FUT8: variants seen among roughly 807,000 people sequenced by gnomAD.
The protein encoded by FUT8 is alpha-(1,6)-fucosyltransferase.
In FUT8, 29 loss-of-function variants were observed where a neutral mutation model predicts 71.3. That is an observed-to-expected ratio of 0.41 (90% CI 0.30 to 0.55). The LOEUF (loss-of-function observed/expected upper bound fraction) is 0.55. Ranked by LOEUF, FUT8 falls within the 20% of genes least tolerant of loss-of-function variation. The pLI is 0.34. For missense variants in FUT8, 544 were observed against 702.1 expected, an observed-to-expected ratio of 0.77 and a Z score of 2.55; for synonymous variants, 254 against 239.3, an observed-to-expected ratio of 1.06 and a Z score of -0.57.
At chr14:65,585,307 C>A (rs1025219227) in intron 3 of FUT8, among the ~76,000 whole-genome samples, 14 of 152,142 alleles carry the variant, frequency 9.2e-5, no homozygotes, top group Non-Finnish European at 1.8e-4. Context: ...CCACCTCAGC[C>A]TCCCAAGCAG....
rs574744130 is a variant in FUT8, at chr14:65,692,131, C to G, written c.835+22651C>G. On this transcript the variant is annotated intron_variant, in intron 7 of 10. Transcript: ENST00000673929. ...GAGCTGTTGGGTACACCTCCCAGAC[C>G]GGGTGGTGGCCGGGCAGAGGGGCTC... Among the ~76,000 whole-genome samples the G allele has an allele frequency of 1.6e-4, 24 of 149,252 alleles. No individual in the cohort carries two copies. The South Asian group carries it at 4.5e-3, about 28-fold the overall frequency.
intron 2 of FUT8, among the ~76,000 whole-genome samples, chr14:65,495,140 A>G (rs1458184031): frequency 6.6e-6 from 1 of 150,758 alleles, no homozygotes; most frequent in African/African-American, 2.4e-5. Context: ...ATATGTTTAT[A>G]GTTTCATTCC....
intron 7 of FUT8, among the ~76,000 whole-genome samples, chr14:65,704,415 G>A (rs9323464): frequency 0.062 from 9,366 of 151,950 alleles, 525 homozygotes; most frequent in African/African-American, 0.14. Context: ...ATGAAATTAA[G>A]CCTTGCCTTC....
At chr14:65,379,005 C>G in the FUT8 span, among the ~76,000 whole-genome samples, 3 of 151,598 alleles carry the variant, frequency 2.0e-5, no homozygotes, top group African/African-American at 7.3e-5. Context: ...TTCCACCATG[C>G]CTGGCTAATT....
chr14:65,701,885 C>T (rs1296141931), intron 7 of FUT8, among the ~76,000 whole-genome samples: 3 of 152,130 alleles, frequency 2.0e-5, no homozygotes, highest in Non-Finnish European at 4.4e-5. Flanking sequence ...CCTCGCCTCT[C>T]CCTTTGTTAT....
chr14:65,554,430 A>AT (rs1182170194), intron 2 of FUT8, among the ~76,000 whole-genome samples: 119 of 92,552 alleles, frequency 1.3e-3, no homozygotes, highest in African/African-American at 4.5e-3. Flanking sequence ...ATCTATATAT[A>AT]TATTATATAT....
At chr14:65,435,408 G>A (rs1243112870) in intron 1 of FUT8, among the ~76,000 whole-genome samples, 2 of 152,088 alleles carry the variant, frequency 1.3e-5, no homozygotes, top group Non-Finnish European at 2.9e-5. Context: ...AAAATTCATT[G>A]AGATTCATTT....
At chr14:65,600,203 A>G (rs1323485274) in intron 3 of FUT8, among the ~76,000 whole-genome samples, 1 of 152,094 alleles carries the variant, frequency 6.6e-6, no homozygotes, top group African/African-American at 2.4e-5. Context: ...TGTCAATTGG[A>G]TTTTCCATTT....
At chr14:65,507,627 G>A (rs971370768) in intron 2 of FUT8, among the ~76,000 whole-genome samples, 2 of 152,150 alleles carry the variant, frequency 1.3e-5, no homozygotes, top group Non-Finnish European at 1.5e-5. Context: ...GCACATGACA[G>A]GATCTCATTC....
chr14:65,510,724 G>T (rs1200484697), intron 2 of FUT8, among the ~76,000 whole-genome samples: 2 of 152,008 alleles, frequency 1.3e-5, no homozygotes, highest in African/African-American at 2.4e-5. Context: ...ATATTTGCTA[G>T]TAGTAGCCAC....
chr14:65,553,143 C>G (rs1885384613), intron 2 of FUT8, among the ~76,000 whole-genome samples: 1 of 152,108 alleles, frequency 6.6e-6, no homozygotes, highest in Non-Finnish European at 1.5e-5. Context: ...CAGGGTCTCA[C>G]TATGTTGCTC....
chr14:65,668,754 C>T (rs1892335601), intron 6 of FUT8, among the ~76,000 whole-genome samples: 1 of 151,980 alleles, frequency 6.6e-6, no homozygotes, highest in South Asian at 2.1e-4. Flanking sequence ...GCACTATTTG[C>T]AATTGCAAAG....
intron 2 of FUT8, among the ~76,000 whole-genome samples, chr14:65,523,240 T>C (rs1170707289): frequency 6.6e-6 from 1 of 152,140 alleles, no homozygotes; most frequent in African/African-American, 2.4e-5. Flanking sequence ...CACCTGTTGT[T>C]TCCTGACTTT....
chr14:65,507,737 A>G (rs1043036623), intron 2 of FUT8, among the ~76,000 whole-genome samples: 16 of 152,204 alleles, frequency 1.1e-4, no homozygotes, highest in Non-Finnish European at 2.1e-4. Flanking sequence ...AATCTTGGCT[A>G]TTGTGAACAG....
At chr14:65,674,997 C>T (rs1892646612) in intron 7 of FUT8, among the ~76,000 whole-genome samples, 1 of 152,166 alleles carries the variant, frequency 6.6e-6, no homozygotes, top group South Asian at 2.1e-4. Context: ...TGTTTTACTA[C>T]TTATGGGCCA....
intron 3 of FUT8, among the ~76,000 whole-genome samples, chr14:65,570,122 G>A (rs947095160): frequency 2.6e-5 from 4 of 152,050 alleles, no homozygotes; most frequent in African/African-American, 7.2e-5. Context: ...ACTTCATCCT[G>A]TAAATTTCGT....
the FUT8 span, among the ~76,000 whole-genome samples, chr14:65,386,683 G>C: frequency 0.13 from 20,365 of 151,402 alleles, 2,037 homozygotes; most frequent in East Asian, 0.54. Flanking sequence ...ATCATATCTG[G>C]ATATGTTTCT....
chr14:65,669,144 G>T lies in FUT8; in HGVS notation c.598-99G>T. On this transcript the variant is annotated intron_variant, in intron 6 of 10. Transcript: ENST00000673929. This position sits in a 1 kb window ranked among gnomAD's most constrained non-coding sequence, Gnocchi z 4.5. Reference sequence around the variant, plus strand: ...CACAATTTATCTATAGAACAAACCTGCATGTGTACCCCTGAAGATGAAAGA... The same window carrying T: ...CACAATTTATCTATAGAACAAACCTTCATGTGTACCCCTGAAGATGAAAGA... The T allele has an allele frequency of 1.2e-6, 1 of 826,374 alleles. No homozygotes were observed. The highest frequency in any genetic ancestry group is 1.9e-6 in the Non-Finnish European group (1 of 526,888). 51.2% of individuals were successfully genotyped at this position (826,374 alleles called of 1,614,324 possible). A position where few individuals can be genotyped will look rare whatever the true frequency, so the allele number is the denominator to read the frequency against.
At chr14:65,641,620 T>A (rs550244933) in intron 6 of FUT8, among the ~76,000 whole-genome samples, 86 of 152,320 alleles carry the variant, frequency 5.6e-4, no homozygotes, top group African/African-American at 2.0e-3. Context: ...CCATTTTATA[T>A]TTTCATCCAG....
Sources: allele counts gnomAD v4.1 joint callset (sites outside exome capture counted in the v4.1 genomes callset), GRCh38; gene constraint gnomAD v4.1.1; non-coding constraint Gnocchi (gnomAD v3.1); transcripts MANE v1.5; gene names NCBI Gene and HGNC (gene_info 2026-07-23, HGNC 2026-07-21).